SPTB: variants seen among roughly 807,000 people sequenced by gnomAD.
SPTB encodes the protein spectrin beta chain, erythrocytic.
A neutral mutation model predicts 256.2 loss-of-function variants in SPTB; 45 were observed. The ratio of observed to expected loss-of-function variants is 0.18; its 90% confidence interval spans 0.14 to 0.23. The LOEUF is 0.23. Among genes scored for constraint, SPTB ranks in the 10% least tolerant of loss-of-function variants. The pLI, the probability that SPTB is intolerant of heterozygous loss-of-function variation, is 1.00. For synonymous variants in SPTB, 1,231 were observed against 1,243.1 expected, an observed-to-expected ratio of 0.99 and a Z score of 0.21; for missense variants, 2,715 against 3,040.4, an observed-to-expected ratio of 0.89 and a Z score of 2.52.
rs140477374 is a variant in SPTB at position 64,797,896 on chromosome 14, A to G, written c.1065-50T>C. 8.0e-5 allele frequency: 115 copies of G among 1,445,882 alleles called. 1 individual carries two copies. The African/African-American group carries it at 1.2e-3, about 15-fold the overall frequency. 89.6% of individuals were successfully genotyped at this position (1,445,882 alleles called of 1,614,324 possible). ...GACTGATGTTAAGATCTCATGGCCA[A>G]ATTTTTTTGCTAAAGTCAACACGGA... On this transcript the variant is annotated intron_variant, in intron 9 of 35. Coordinates refer to ENST00000644917, the MANE Select transcript of SPTB (RefSeq NM_001355436.2).
intron 2 of SPTB, among the ~76,000 whole-genome samples, chr14:64,819,004 G>C (rs985117981): frequency 1.2e-4 from 18 of 152,182 alleles, no homozygotes; most frequent in African/African-American, 4.3e-4. Flanking sequence ...GGCCAGCTTA[G>C]AGACTGATGT....
chr14:64,857,214 C>G lies in SPTB; in HGVS notation c.-52+22578G>C, dbSNP rs557105682. On this transcript the variant is annotated intron_variant, in intron 1 of 35. Transcript: ENST00000644917. ...CTGCTGAAGTCTTGGATTAGAAAGC[C>G]TTTGGTGCATATTTGTGGCAATAAT... Among the ~76,000 whole-genome samples the G allele has an allele frequency of 3.3e-5, 5 of 152,186 alleles. No homozygotes were observed. In the South Asian group the frequency reaches 1.0e-3, roughly 32 times the overall value.
chr14:64,768,911 C>T, intron 29 of SPTB, 123 bp downstream of exon 29: 1 of 835,944 alleles, frequency 1.2e-6, no homozygotes, highest in Non-Finnish European at 2.0e-6. Context: ...TGCTGAAGAG[C>T]AGTGCTGTGG....
intron 2 of SPTB, among the ~76,000 whole-genome samples, chr14:64,819,061 C>T (rs1318538417): frequency 6.6e-6 from 1 of 152,196 alleles, no homozygotes; most frequent in African/African-American, 2.4e-5. Flanking sequence ...AATATTCCTG[C>T]TGGGATCCCA....
Position 64,873,795 on chromosome 14 carries a change from G to A in SPTB, c.-52+5997C>T, listed in dbSNP as rs956370052. Among the ~76,000 whole-genome samples, 1 of 152,148 alleles carries A rather than the reference G, an allele frequency of 6.6e-6. No homozygotes were observed. The highest frequency in any genetic ancestry group is 1.5e-5 in the Non-Finnish European group (1 of 68,022). On this transcript the variant is annotated intron_variant, in intron 1 of 35. Transcript: ENST00000644917. The surrounding 1 kb of genome is among the most constrained non-coding windows in gnomAD (Gnocchi z 4.3). Reference sequence around the variant, plus strand: ...GCAACTGGGTCAAAGTCAGGTTTTGGAATAAACTACTAGAGGGACATTGAG... The same window carrying A: ...GCAACTGGGTCAAAGTCAGGTTTTGAAATAAACTACTAGAGGGACATTGAG...
At position 64,759,122 on chromosome 14, in the gene SPTB, T is replaced by C. The variant is rs1402840768; in HGVS notation, c.6346-5329A>G. Among the ~76,000 whole-genome samples, 2 of 152,156 alleles carry C rather than the reference T, an allele frequency of 1.3e-5. No homozygotes were observed. The highest frequency in any genetic ancestry group is 4.8e-5 in the African/African-American group (2 of 41,406). On this transcript the variant is annotated intron_variant, in intron 32 of 35. Transcript: ENST00000644917. The surrounding 1 kb of genome is among the most constrained non-coding windows in gnomAD (Gnocchi z 4.8). ...GAAAAGCTCAGTGACGGGCTGAGAT[T>C]AGAGCACACAGCAAGTCAGTAGCAG...
chr14:64,871,419 G>C (rs1314159987), intron 1 of SPTB, among the ~76,000 whole-genome samples: 1 of 152,214 alleles, frequency 6.6e-6, no homozygotes, highest in Non-Finnish European at 1.5e-5. Flanking sequence ...CCAACTTTAT[G>C]AGTTTGGATT....
At chr14:64,879,076 G>A (rs931027227) in intron 1 of SPTB, among the ~76,000 whole-genome samples, 5 of 152,244 alleles carry the variant, frequency 3.3e-5, no homozygotes, top group Admixed American at 2.0e-4. Context: ...CAAGTTAGAG[G>A]AAGAGGGGAA....
Position 64,795,183 on chromosome 14 carries a change from G to A in SPTB, c.1644+154C>T, listed in dbSNP as rs543484008. Reference sequence around the variant, plus strand: ...AGTGGACCAAGAGGCAGAGAGGCAGGTGCAGCTAGACACTTTGCTGCCTCA... The same window carrying A: ...AGTGGACCAAGAGGCAGAGAGGCAGATGCAGCTAGACACTTTGCTGCCTCA... On this transcript the variant is annotated intron_variant, in intron 12 of 35. Coordinates refer to ENST00000644917, the MANE Select transcript of SPTB (RefSeq NM_001355436.2). The surrounding 1 kb of genome is among the most constrained non-coding windows in gnomAD (Gnocchi z 6.5). 2.2e-3 allele frequency among the ~76,000 whole-genome samples: 342 copies of A among 152,380 alleles called. 2 individuals carry two copies. Among genetic ancestry groups the A allele is most frequent in the African/African-American group, 8.0e-3 (332 of 41,598 alleles).
In SPTB at chr14:64,823,771, C is replaced by G. The variant is rs373197565; in HGVS notation, c.-51-626G>C. ...TTCCCAGCAGTTGGTATTCAGAAAG[C>G]TGACCTCGCATTTTAGGGCTTCTTT... On this transcript the variant is annotated intron_variant, in intron 1 of 35. Coordinates refer to ENST00000644917, the MANE Select transcript of SPTB (RefSeq NM_001355436.2). This position sits in a 1 kb window ranked among gnomAD's most constrained non-coding sequence, Gnocchi z 6.5. Among the ~76,000 whole-genome samples, 328 of 152,306 alleles carry G rather than the reference C, an allele frequency of 2.2e-3. No homozygotes were observed. The highest frequency in any genetic ancestry group is 3.4e-3 in the Non-Finnish European group (229 of 68,032).
chr14:64,841,248 T>C lies in SPTB; in HGVS notation c.-51-18103A>G, dbSNP rs2139752166. On this transcript the variant is annotated intron_variant, in intron 1 of 35. Transcript: ENST00000644917. The surrounding 1 kb of genome is among the most constrained non-coding windows in gnomAD (Gnocchi z 4.6). ...TTGCCCCAGTACATCAGCCTGTAAA[T>C]GACAGAGCCAGGATTCAAACGCAGG... 6.6e-6 allele frequency among the ~76,000 whole-genome samples: 1 copy of C among 152,248 alleles called. No homozygotes were observed. The highest frequency in any genetic ancestry group is 6.5e-5 in the Admixed American group (1 of 15,288).
intron 1 of SPTB, among the ~76,000 whole-genome samples, chr14:64,839,576 T>C (rs1388847195): frequency 7.2e-5 from 11 of 152,182 alleles, no homozygotes; most frequent in African/African-American, 1.2e-4. Flanking sequence ...TATGCTTTGA[T>C]AGACCTAAAA....
At chr14:64,797,281 G>A (rs531501254) in intron 10 of SPTB, among the ~76,000 whole-genome samples, 2 of 151,896 alleles carry the variant, frequency 1.3e-5, no homozygotes, top group South Asian at 4.2e-4. Flanking sequence ...ACCAGCCTAG[G>A]CAACATTGCC....
rs908533278 is a variant in SPTB at position 64,782,516 on chromosome 14, G to A, written c.4040C>T (p.Thr1347Ile). The A allele has an allele frequency of 2.5e-6, 4 of 1,613,946 alleles. No individual in the cohort carries two copies. The highest frequency in any genetic ancestry group is 1.7e-5 in the Admixed American group (1 of 60,002). Residue 1347 changes from threonine to isoleucine, a missense_variant, in exon 20 of 36, where the codon ACA (threonine) becomes ATA (isoleucine). By Grantham distance (89) the Thr-to-Ile change is moderately conservative. Coordinates refer to ENST00000644917, the MANE Select transcript of SPTB (RefSeq NM_001355436.2). ...TTCCAGCTTTTGGGACACCAGGGCT[G>A]TAAACTGGGGCTTCTCATCCATCAG... ...KQLMDEKPQF[T>I]ALVSQKLEAL... is the part of the protein sequence containing the mutation.
chr14:64,779,302 G>T lies in SPTB; in HGVS notation c.4474-56C>A. 6.9e-7 allele frequency: 1 copy of T among 1,449,946 alleles called. No individual in the cohort carries two copies. Among genetic ancestry groups the T allele is most frequent in the Non-Finnish European group, 9.6e-7 (1 of 1,040,814 alleles). The allele number at this position is 1,449,946 out of a possible 1,614,324, so 89.8% of individuals were successfully genotyped here. On this transcript the variant is annotated intron_variant, in intron 21 of 35. Transcript: ENST00000644917. The surrounding 1 kb of genome is among the most constrained non-coding windows in gnomAD (Gnocchi z 4.2). ...ATGACAATCACGGCCAACCTTTCCT[G>T]AGTGCTCACCATGGGCGGCGCAGAG...
Position 64,769,737 on chromosome 14 carries a change from CAGG to C in SPTB, c.5799-12_5799-10del, listed in dbSNP as rs1342722225. ...CCACAGAGGAGACATCCCTGGGGGA[CAGG>C]AGGACAAGGGAAGAAGGGAACTCTG... On this transcript the variant is annotated splice_polypyrimidine_tract_variant and intron_variant, in intron 27 of 35. Transcript: ENST00000644917. 2 of 1,614,002 alleles carry C rather than the reference CAGG, an allele frequency of 1.2e-6. No homozygotes were observed. Among genetic ancestry groups the C allele is most frequent in the Non-Finnish European group, 1.7e-6 (2 of 1,180,032 alleles).
At chr14:64,874,152 C>A (rs1342628991) in intron 1 of SPTB, among the ~76,000 whole-genome samples, 2 of 152,196 alleles carry the variant, frequency 1.3e-5, no homozygotes, top group Non-Finnish European at 2.9e-5. Context: ...ACACTTCATC[C>A]CCTAACCTAA....
intron 33 of SPTB, chr14:64,752,191 G>C (rs1473173800): frequency 7.4e-7 from 1 of 1,346,318 alleles, no homozygotes; most frequent in Admixed American, 1.9e-5. Flanking sequence ...AGGTGGGCTA[G>C]CCCGAGCCGC....
At chr14:64,872,311 C>T (rs1882577860) in intron 1 of SPTB, among the ~76,000 whole-genome samples, 1 of 152,212 alleles carries the variant, frequency 6.6e-6, no homozygotes. Flanking sequence ...CAGAACCCAA[C>T]TGCATCTCAC....
Sources: allele counts gnomAD v4.1 joint callset (sites outside exome capture counted in the v4.1 genomes callset), GRCh38; gene constraint gnomAD v4.1.1; non-coding constraint Gnocchi (gnomAD v3.1); transcripts MANE v1.5; gene names NCBI Gene and HGNC (gene_info 2026-07-23, HGNC 2026-07-21).